ZNF385D: variants seen among roughly 807,000 people sequenced by gnomAD.
The protein encoded by ZNF385D is zinc finger protein 385D, also known as zinc finger protein 659.
A neutral mutation model predicts 35.8 loss-of-function variants in ZNF385D; 15 were observed. The observed-to-expected ratio is 0.42, with a 90% CI of 0.28 to 0.64. The LOEUF is 0.64. Ranked by LOEUF, ZNF385D falls within the 30% of genes least tolerant of loss-of-function variation. ZNF385D has a pLI of 0.23. For synonymous variants in ZNF385D, 212 were observed against 186.8 expected, an observed-to-expected ratio of 1.13 and a Z score of -1.10; for missense variants, 474 against 494.6, an observed-to-expected ratio of 0.96 and a Z score of 0.39.
At chr3:22,362,411 C>A (rs1041895416) in intron 2 of ZNF385D, among the ~76,000 whole-genome samples, 29 of 152,172 alleles carry the variant, frequency 1.9e-4, no homozygotes, top group African/African-American at 7.0e-4. Flanking sequence ...TCCGTAGGAA[C>A]TGAAAAACTG....
At position 21,886,752 on chromosome 3, in the gene ZNF385D, T is replaced by C. The variant is rs1324564863; in HGVS notation, c.326-221724A>G. On this transcript the variant is annotated intron_variant, in intron 3 of 5. Transcript: ENST00000494108. ...GAATTATAAGCTGATGGGATTTGAG[T>C]TCAAATACATGATTAGCATTGACCT... is the stretch of plus-strand genomic sequence containing the variant. Among the ~76,000 whole-genome samples the C allele has an allele frequency of 2.6e-5, 4 of 152,140 alleles. No individual in the cohort carries two copies. The East Asian group carries it at 7.7e-4, about 29-fold the overall frequency.
chr3:21,987,984 T>C (rs1694910769), intron 3 of ZNF385D, among the ~76,000 whole-genome samples: 1 of 146,988 alleles, frequency 6.8e-6, no homozygotes, highest in Non-Finnish European at 1.5e-5. Flanking sequence ...TTCTGCATTC[T>C]TCACGTAGTT....
At chr3:21,509,908 T>C (rs1442224171) in intron 4 of ZNF385D, among the ~76,000 whole-genome samples, 2 of 152,240 alleles carry the variant, frequency 1.3e-5, no homozygotes, top group South Asian at 2.1e-4. Context: ...ATAAGGATGT[T>C]ACATTGTGTA....
chr3:22,190,401 C>T (rs981153436), intron 2 of ZNF385D, among the ~76,000 whole-genome samples: 12 of 152,130 alleles, frequency 7.9e-5, no homozygotes, highest in Non-Finnish European at 1.6e-4. Context: ...GTTTTAAATT[C>T]ATGTATTAGT....
At chr3:21,484,745 T>G in intron 4 of ZNF385D, among the ~76,000 whole-genome samples, 1 of 152,050 alleles carries the variant, frequency 6.6e-6, no homozygotes. Flanking sequence ...TGAGATGCTC[T>G]CCTGGAATAC....
chr3:21,736,619 A>G (rs1417377698), intron 1 of ZNF385D, among the ~76,000 whole-genome samples: 1 of 152,230 alleles, frequency 6.6e-6, no homozygotes, highest in African/African-American at 2.4e-5. Flanking sequence ...TGTAAAGCAC[A>G]GGACGTCTTT....
At chr3:21,950,204 C>G (rs1575990929) in intron 3 of ZNF385D, among the ~76,000 whole-genome samples, 1 of 151,804 alleles carries the variant, frequency 6.6e-6, no homozygotes, top group Admixed American at 6.6e-5. Flanking sequence ...TTCTCCACAT[C>G]TTCTCCAGTA....
At position 21,882,540 on chromosome 3, in the gene ZNF385D, T is replaced by C. The variant is rs554017740; in HGVS notation, c.326-217512A>G. 7.9e-5 allele frequency among the ~76,000 whole-genome samples: 12 copies of C among 152,154 alleles called. No individual in the cohort carries two copies. In the South Asian group the frequency reaches 1.2e-3, roughly 16 times the overall value. ...ATGTGTGTGACTCTCTTTATTGTGA[T>C]ATTTGTTTTATTGTGGTTGTTTGGA... On this transcript the variant is annotated intron_variant, in intron 3 of 5. Transcript: ENST00000494108.
intron 2 of ZNF385D, among the ~76,000 whole-genome samples, chr3:22,289,691 A>G (rs148468686): frequency 1.3e-5 from 2 of 152,292 alleles, no homozygotes; most frequent in African/African-American, 4.8e-5. Context: ...AGAATCACAC[A>G]TGCCTAGTAC....
chr3:21,761,889 T>C (rs1428905198), intron 3 of ZNF385D, among the ~76,000 whole-genome samples: 1 of 137,284 alleles, frequency 7.3e-6, no homozygotes, highest in Non-Finnish European at 1.6e-5. Flanking sequence ...TTTTTTTTTT[T>C]TTTTTTTTGA....
intron 3 of ZNF385D, among the ~76,000 whole-genome samples, chr3:21,780,727 C>T (rs2071457986): frequency 6.6e-6 from 1 of 152,116 alleles, no homozygotes; most frequent in South Asian, 2.1e-4. Context: ...CTGCATGGGG[C>T]TACTGAAATG....
At chr3:21,942,334 G>T (rs535424043) in intron 3 of ZNF385D, among the ~76,000 whole-genome samples, 4 of 152,104 alleles carry the variant, frequency 2.6e-5, no homozygotes, top group African/African-American at 9.6e-5. Context: ...ATAAATGAGG[G>T]GCTCTTTTGG....
At chr3:22,057,887 T>C (rs547074823) in intron 3 of ZNF385D, among the ~76,000 whole-genome samples, 5 of 152,282 alleles carry the variant, frequency 3.3e-5, no homozygotes, top group African/African-American at 7.2e-5. Context: ...AATAGGTAAA[T>C]TGAAATAAAG....
At chr3:22,295,500 T>A (rs1702524860) in intron 2 of ZNF385D, among the ~76,000 whole-genome samples, 1 of 152,102 alleles carries the variant, frequency 6.6e-6, no homozygotes, top group Admixed American at 6.6e-5. Flanking sequence ...AAACTGGGCG[T>A]ACATGTAGGT....
chr3:22,350,652 AG>A (rs1392841991), intron 2 of ZNF385D, among the ~76,000 whole-genome samples: 1 of 152,116 alleles, frequency 6.6e-6, no homozygotes, highest in Admixed American at 6.5e-5. Flanking sequence ...CATATACTCA[AG>A]TAACAATACT....
chr3:22,362,219 A>G (rs901620770), intron 2 of ZNF385D, among the ~76,000 whole-genome samples: 1 of 151,892 alleles, frequency 6.6e-6, no homozygotes, highest in East Asian at 1.9e-4. Context: ...TTAAGAACAC[A>G]TGTTCTAATT....
intron 3 of ZNF385D, among the ~76,000 whole-genome samples, chr3:21,776,214 T>C (rs1235752197): frequency 6.6e-6 from 1 of 151,920 alleles, no homozygotes; most frequent in Admixed American, 6.6e-5. Flanking sequence ...AAATATAGAA[T>C]GGCAAAGGAC....
chr3:22,085,329 C>A (rs769535095), intron 3 of ZNF385D, among the ~76,000 whole-genome samples: 1 of 151,980 alleles, frequency 6.6e-6, no homozygotes, highest in South Asian at 2.1e-4. Context: ...AGACCTCTAA[C>A]AAGACTAATA....
chr3:22,023,794 G>C (rs1697367409), intron 3 of ZNF385D, among the ~76,000 whole-genome samples: 1 of 151,924 alleles, frequency 6.6e-6, no homozygotes. Flanking sequence ...TATAGTCAAA[G>C]GCCAAAAGCA....
Sources: allele counts gnomAD v4.1 joint callset (sites outside exome capture counted in the v4.1 genomes callset), GRCh38; gene constraint gnomAD v4.1.1; transcripts MANE v1.5; gene names NCBI Gene and HGNC (gene_info 2026-07-23, HGNC 2026-07-21).